Variants in NAV3 observed in about 807,000 individuals in gnomAD.
The protein encoded by NAV3 is neuron navigator 3.
A neutral mutation model predicts 244.7 loss-of-function variants in NAV3; 87 were observed. The ratio of observed to expected loss-of-function variants is 0.36; its 90% CI spans 0.30 to 0.42. The LOEUF (loss-of-function observed/expected upper bound fraction) is 0.42. Ranked by LOEUF, NAV3 falls within the 20% of genes least tolerant of loss-of-function variation. The pLI is 1.00. For synonymous variants in NAV3, 1,126 were observed against 1,042.2 expected (o/e 1.08, Z -1.55); for missense variants, 2,663 against 2,893.3 (o/e 0.92, Z 1.83).
intron 11 of NAV3, among the ~76,000 whole-genome samples, chr12:78,053,779 T>C (rs978625652): frequency 6.6e-6 from 1 of 152,186 alleles, no homozygotes; most frequent in African/African-American, 2.4e-5. Flanking sequence ...TTATTTAGCC[T>C]TAGCTGGAAA....
At chr12:77,663,858 A>G (rs1873591106) in intron 2 of NAV3, among the ~76,000 whole-genome samples, 2 of 152,126 alleles carry the variant, frequency 1.3e-5, no homozygotes, top group Non-Finnish European at 2.9e-5. Context: ...GTGAGCCAAT[A>G]TATGTGTCTG....
chr12:77,743,647 T>A (rs1169170874), intron 2 of NAV3, among the ~76,000 whole-genome samples: 2 of 151,766 alleles, frequency 1.3e-5, no homozygotes, highest in African/African-American at 4.8e-5. Flanking sequence ...ACTGCTGATA[T>A]CCATAGCAAA....
chr12:78,020,340 A>G (rs1193474534), intron 8 of NAV3, among the ~76,000 whole-genome samples: 1 of 152,174 alleles, frequency 6.6e-6, no homozygotes, highest in Non-Finnish European at 1.5e-5. Flanking sequence ...TATCTTTTAA[A>G]TTTAGCTACT....
At chr12:77,812,273 AGTG>A (rs1872322837) in intron 2 of NAV3, among the ~76,000 whole-genome samples, 1 of 152,232 alleles carries the variant, frequency 6.6e-6, no homozygotes, top group Non-Finnish European at 1.5e-5. Flanking sequence ...CCAATTAATG[AGTG>A]AAACAAATAA....
chr12:77,842,097 G>A (rs962880884), intron 1 of NAV3, among the ~76,000 whole-genome samples: 2 of 152,144 alleles, frequency 1.3e-5, no homozygotes, highest in Non-Finnish European at 2.9e-5. Flanking sequence ...AGTCTAAGGT[G>A]CTCAGATTGT....
rs148932437 is a variant in NAV3 at position 78,177,238 on chromosome 12, C to A, written c.5222C>A (p.Pro1741Gln). The change falls in exon 27 of 40, where the codon CCG (proline) becomes CAG (glutamine). Residue 1741 changes from proline (P) to glutamine (Q), a missense_variant. Physicochemically the swap from Pro to Gln is moderately conservative, Grantham distance 76 (BLOSUM62 -1). Around this residue, in one of 6 missense-constraint regions of NAV3, gnomAD observed 193 missense variants for 200.7 expected, o/e 0.96. Transcript: ENST00000397909. The stretch of plus-strand genomic sequence containing the variant: ...GAAGAGCTTACTGATTCATCCCTTC[C>A]GGCATCCCCCAAGTTACCCCATAAT... ...DIEELTDSSLPASPKLPHNAG... is the reference protein window; with the variant it reads ...DIEELTDSSLQASPKLPHNAG... The A allele has an allele frequency of 6.2e-7, 1 of 1,613,530 alleles. No individual in the cohort carries two copies. Among genetic ancestry groups the A allele is most frequent in the Admixed American group, 1.7e-5 (1 of 59,982 alleles).
In NAV3 at chr12:78,097,206, G is replaced by T. The variant is rs1213523418; in HGVS notation, c.2637-19566G>T. On this transcript the variant is annotated intron_variant, in intron 12 of 39. Transcript: ENST00000397909. ...AAATTAAGACATCTGGTCAGGCAAG[G>T]TCATATCACCAGCACACTTCCCTTT... 2.0e-5 allele frequency among the ~76,000 whole-genome samples: 3 copies of T among 152,142 alleles called. No homozygotes were observed. In the East Asian group the frequency reaches 5.8e-4, roughly 29 times the overall value.
intron 3 of NAV3, among the ~76,000 whole-genome samples, chr12:77,965,650 G>A (rs972226151): frequency 1.3e-5 from 2 of 151,960 alleles, no homozygotes; most frequent in African/African-American, 4.8e-5. Context: ...CAAACAAAAA[G>A]TGCCTTGGGA....
At chr12:77,652,031 C>A (rs1478111738) in intron 2 of NAV3, among the ~76,000 whole-genome samples, 1 of 151,898 alleles carries the variant, frequency 6.6e-6, no homozygotes, top group Non-Finnish European at 1.5e-5. Flanking sequence ...GCAGGGAAGG[C>A]AAAAAATAGC....
chr12:78,189,989 G>C lies in NAV3; in HGVS notation c.6061G>C (p.Glu2021Gln). ...TTTTTTGTTTCTTCTTTCAGGGGTA[G>C]AAGAAAATAGTTTGGACAGTTTTGT... ...NIITVNLKGV[E>Q]ENSLDSFVFD... The change falls in exon 34 of 40, where the codon GAA becomes CAA. Residue 2021 changes from glutamate (E) to glutamine (Q), a missense_variant. Glu to Gln is a conservative substitution (Grantham distance 29). Around this residue, in one of 6 missense-constraint regions of NAV3, gnomAD observed 543 missense variants for 672.4 expected, o/e 0.81. Coordinates refer to ENST00000397909, the MANE Select transcript of NAV3 (RefSeq NM_001024383.2). The C allele has an allele frequency of 6.2e-7, 1 of 1,611,692 alleles. No homozygotes were observed. The highest frequency in any genetic ancestry group is 8.5e-7 in the Non-Finnish European group (1 of 1,178,498).
At chr12:78,135,296 A>G (rs550068736) in intron 18 of NAV3, among the ~76,000 whole-genome samples, 12 of 152,220 alleles carry the variant, frequency 7.9e-5, no homozygotes, top group Non-Finnish European at 1.6e-4. Flanking sequence ...ATCTAAAAGC[A>G]GATCTGTCAT....
intron 2 of NAV3, among the ~76,000 whole-genome samples, chr12:77,698,572 G>C (rs1875418534): frequency 6.6e-6 from 1 of 152,124 alleles, no homozygotes; most frequent in East Asian, 1.9e-4. Context: ...AGAAATGCCT[G>C]AGATTATTTG....
intron 3 of NAV3, 88 bp downstream of exon 3, chr12:77,941,221 G>T (rs1889839807): frequency 4.7e-6 from 4 of 850,656 alleles, no homozygotes; most frequent in Non-Finnish European, 7.4e-6. Flanking sequence ...TTTTTTTTCT[G>T]CATGTCTTCC....
intron 1 of NAV3, among the ~76,000 whole-genome samples, chr12:77,893,627 C>T (rs557669101): frequency 7.9e-5 from 12 of 151,008 alleles, no homozygotes; most frequent in African/African-American, 2.7e-4. Flanking sequence ...TGTAATTGTA[C>T]GCCAGCTTAT....
At chr12:78,030,357 A>AT (rs1357774997) in intron 9 of NAV3, among the ~76,000 whole-genome samples, 1 of 152,174 alleles carries the variant, frequency 6.6e-6, no homozygotes, top group Admixed American at 6.6e-5. Context: ...AAGCACCTGA[A>AT]TTTATTGCCA....
chr12:77,787,129 G>C (rs1006298065), intron 2 of NAV3, among the ~76,000 whole-genome samples: 1 of 151,954 alleles, frequency 6.6e-6, no homozygotes, highest in Admixed American at 6.6e-5. Flanking sequence ...TGTCCCACTT[G>C]TCCTTTAAGA....
chr12:77,862,425 TG>T (rs147664439), intron 1 of NAV3, among the ~76,000 whole-genome samples: 7,698 of 151,712 alleles, frequency 0.051, 285 homozygotes, highest in South Asian at 0.18. Context: ...AGAAGAGTTT[TG>T]GGGGAGGTGA....
In NAV3 at chr12:78,006,423, C is replaced by T. The variant is rs769901068; in HGVS notation, c.885C>T (p.Ser295=). The change falls in exon 8 of 40, where the codon TCC becomes TCT. Residue 295 remains serine (S), a synonymous_variant. Transcript: ENST00000397909. ...TTTCTTCTAAACAATGTCCAGATTC[C>T]TCCAAAGGACCTCAATCGTCTTCAG... ...PNYANGNEKD[S]SKGPQSSSGV... is the part of the protein sequence containing the mutation. 4 of 1,612,328 alleles carry T rather than the reference C, an allele frequency of 2.5e-6. No homozygotes were observed. Among genetic ancestry groups the T allele is most frequent in the Non-Finnish European group, 3.4e-6 (4 of 1,178,768 alleles).
At chr12:77,827,226 ACT>A (rs1265326647), upstream of NAV3, among the ~76,000 whole-genome samples, 2 of 117,912 alleles carry the variant, frequency 1.7e-5, no homozygotes, top group Non-Finnish European at 3.3e-5. Flanking sequence ...ATAGAGCAAG[ACT>A]CTGTCTCCAA....
Sources: gnomAD v4.1 joint callset for allele counts (sites outside exome capture counted in the v4.1 genomes callset) on GRCh38, gnomAD v4.1.1 for gene constraint, gnomAD v4.1.1 regional missense constraint, MANE v1.5 for transcripts, NCBI Gene and HGNC (gene_info 2026-07-23, HGNC 2026-07-21) for gene names.